The following NEURL1 variants were observed in gnomAD, a reference collection of about 807,000 sequenced individuals.
The protein encoded by NEURL1 is neuralized E3 ubiquitin protein ligase 1.
In NEURL1, 26 loss-of-function variants were observed where a neutral mutation model predicts 41.2. The ratio of observed to expected loss-of-function variants is 0.63; its 90% confidence interval spans 0.46 to 0.87. The LOEUF is 0.87. Ranked by LOEUF, NEURL1 falls within the 40% of genes least tolerant of loss-of-function variation. The pLI, the probability that NEURL1 is intolerant of heterozygous loss-of-function variation, is 0.00. For missense variants in NEURL1, 761 were observed against 871.1 expected, an observed-to-expected ratio of 0.87 and a Z score of 1.59; for synonymous variants, 400 against 402.3, an observed-to-expected ratio of 0.99 and a Z score of 0.07.
chr10:103,541,962 A>T (rs562770061), intron 1 of NEURL1, among the ~76,000 whole-genome samples: 2 of 152,272 alleles, frequency 1.3e-5, no homozygotes, highest in Non-Finnish European at 2.9e-5. Context: ...TTGCAGCAGG[A>T]CACAGTGATA....
chr10:103,568,288 G>C (rs1193715140), intron 1 of NEURL1, among the ~76,000 whole-genome samples: 1 of 152,190 alleles, frequency 6.6e-6, no homozygotes, highest in African/African-American at 2.4e-5. Flanking sequence ...TGGAAGGGAG[G>C]CCTTGGGGAA....
intron 1 of NEURL1, among the ~76,000 whole-genome samples, chr10:103,521,585 C>T (rs1196959532): frequency 6.6e-6 from 1 of 152,090 alleles, no homozygotes; most frequent in Non-Finnish European, 1.5e-5. Context: ...ATGAGAGGTT[C>T]TAACAGGTGG....
rs1204959935 is a variant in NEURL1, at chr10:103,570,904, C to T, written c.118C>T (p.His40Tyr). ...SIGGPFPVTSHRCHHKQKHCP... is the reference protein window; with the variant it reads ...SIGGPFPVTSYRCHHKQKHCP... ...CGGGGGCCCCTTCCCCGTCACTTCT[C>T]ACCGATGCCACCACAAGCAGAAGCA... Residue 40 changes from histidine to tyrosine, a missense_variant, in exon 2 of 6, where the codon CAC becomes TAC. This residue lies in a region of NEURL1 where 94 missense variants were observed against 96.6 expected (regional missense o/e 0.97). Coordinates refer to ENST00000369780, the MANE Select transcript of NEURL1 (RefSeq NM_004210.5). 6.2e-7 allele frequency: 1 copy of T among 1,613,798 alleles called. No homozygotes were observed. Among genetic ancestry groups the T allele is most frequent in the South Asian group, 1.1e-5 (1 of 91,046 alleles).
intron 3 of NEURL1, among the ~76,000 whole-genome samples, chr10:103,582,360 C>T (rs1317264527): frequency 6.6e-6 from 1 of 152,200 alleles, no homozygotes; most frequent in African/African-American, 2.4e-5. Context: ...GCCCTCCTGG[C>T]CTCTGCCTCT....
At chr10:103,517,703 T>C (rs2034248745) in intron 1 of NEURL1, among the ~76,000 whole-genome samples, 1 of 152,254 alleles carries the variant, frequency 6.6e-6, no homozygotes, top group African/African-American at 2.4e-5. Context: ...CAGATGGACT[T>C]CCTGGCACCT....
intron 1 of NEURL1, among the ~76,000 whole-genome samples, chr10:103,500,063 C>T (rs569484837): frequency 6.6e-6 from 1 of 152,202 alleles, no homozygotes. Context: ...TCTCCACCCC[C>T]GGGAATGCAG....
chr10:103,526,993 C>A (rs906311430), intron 1 of NEURL1, among the ~76,000 whole-genome samples: 3 of 151,368 alleles, frequency 2.0e-5, no homozygotes, highest in African/African-American at 7.3e-5. Flanking sequence ...ATGGCTACTG[C>A]ATAGACAGAG....
chr10:103,533,064 C>T (rs151323183), intron 1 of NEURL1, among the ~76,000 whole-genome samples: 11,287 of 149,522 alleles, frequency 0.075, 642 homozygotes, highest in Non-Finnish European at 0.11. Flanking sequence ...GTAGCTGGGA[C>T]CACAGGCACC....
intron 1 of NEURL1, among the ~76,000 whole-genome samples, chr10:103,502,937 A>C (rs2033857505): frequency 6.6e-6 from 1 of 152,224 alleles, no homozygotes; most frequent in Non-Finnish European, 1.5e-5. Context: ...GCAGGATGCA[A>C]GTGGTCTCCT....
At chr10:103,499,812 ATCCC>A (rs879385984) in intron 1 of NEURL1, among the ~76,000 whole-genome samples, 271 of 152,196 alleles carry the variant, frequency 1.8e-3, no homozygotes, top group Middle Eastern at 3.4e-3. Flanking sequence ...CTGAGTCCTC[ATCCC>A]AGATATTGCC....
At chr10:103,583,705 CAAAAAAAAAAAA>C (rs1228630032) in intron 3 of NEURL1, among the ~76,000 whole-genome samples, 3 of 19,562 alleles carry the variant, frequency 1.5e-4, no homozygotes, top group Admixed American at 9.7e-4. Context: ...GATCCTGTCT[CAAAAAAAAAAAA>C]AAAAAAAAAA....
intron 1 of NEURL1, among the ~76,000 whole-genome samples, chr10:103,502,028 AGT>A (rs2133844457): frequency 6.6e-6 from 1 of 152,300 alleles, no homozygotes; most frequent in Non-Finnish European, 1.5e-5. Context: ...CAGCCTCCTG[AGT>A]AACTGGGACT....
intron 1 of NEURL1, among the ~76,000 whole-genome samples, chr10:103,538,205 G>A (rs1006441574): frequency 2.0e-5 from 3 of 151,710 alleles, no homozygotes; most frequent in East Asian, 3.9e-4. Context: ...AGTGATTGTC[G>A]TGCCTCAGCC....
Position 103,590,145 on chromosome 10 carries a change from A to C in NEURL1, c.1498A>C (p.Asn500His). ...LGSSAGGTAPNSPVSLPESPV... is the reference protein window; with the variant it reads ...LGSSAGGTAPHSPVSLPESPV... Reference sequence around the variant, plus strand: ...CCCCTTGTCCTCAGGGACAGCCCCCAATTCGCCAGTGAGCCTGCCCGAGTC... The same window carrying C: ...CCCCTTGTCCTCAGGGACAGCCCCCCATTCGCCAGTGAGCCTGCCCGAGTC... The change falls in exon 6 of 6, where the codon AAT becomes CAT. Residue 500 changes from asparagine to histidine, a missense_variant. By Grantham distance (68) the Asn-to-His change is moderately conservative. Around this residue, in one of 5 missense-constraint regions of NEURL1, gnomAD observed 443 missense variants for 408.1 expected, o/e 1.09. Coordinates refer to ENST00000369780, the MANE Select transcript of NEURL1 (RefSeq NM_004210.5). The C allele has an allele frequency of 6.2e-7, 1 of 1,613,852 alleles. No individual in the cohort carries two copies. Among genetic ancestry groups the C allele is most frequent in the South Asian group, 1.1e-5 (1 of 91,078 alleles).
intron 1 of NEURL1, among the ~76,000 whole-genome samples, chr10:103,529,165 A>G (rs1005872570): frequency 2.0e-5 from 3 of 152,230 alleles, no homozygotes; most frequent in Admixed American, 6.5e-5. Context: ...CATTTGCAAA[A>G]TAAGCTTTAG....
At chr10:103,534,597 G>A (rs982785101) in intron 1 of NEURL1, among the ~76,000 whole-genome samples, 1 of 152,174 alleles carries the variant, frequency 6.6e-6, no homozygotes. Context: ...ATCATAGGTT[G>A]TTAATGTCCT....
intron 1 of NEURL1, among the ~76,000 whole-genome samples, chr10:103,559,404 G>A (rs966907927): frequency 7.2e-5 from 11 of 152,298 alleles, no homozygotes; most frequent in South Asian, 2.1e-4. Context: ...AGTGGGTAGC[G>A]GGGAAGAGTG....
At chr10:103,516,532 A>T (rs551355828) in intron 1 of NEURL1, among the ~76,000 whole-genome samples, 3 of 152,064 alleles carry the variant, frequency 2.0e-5, no homozygotes, top group Non-Finnish European at 4.4e-5. Flanking sequence ...CAGGGCCACA[A>T]TGAGTTGTCA....
chr10:103,498,429 T>C (rs2033741060), intron 1 of NEURL1, among the ~76,000 whole-genome samples: 1 of 152,192 alleles, frequency 6.6e-6, no homozygotes, highest in East Asian at 1.9e-4. Flanking sequence ...AGTTTCACCG[T>C]GTTAGCCAGG....
Sources: allele counts gnomAD v4.1 joint callset (sites outside exome capture counted in the v4.1 genomes callset), GRCh38; gene constraint gnomAD v4.1.1; regional missense constraint gnomAD v4.1.1; transcripts MANE v1.5; gene names NCBI Gene and HGNC (gene_info 2026-07-23, HGNC 2026-07-21).